The following DIAPH3 variants were observed in gnomAD, a reference collection of about 807,000 sequenced individuals.
DIAPH3 encodes protein diaphanous homolog 3.
DIAPH3 carries 117 observed loss-of-function variants against 144.3 expected under a neutral mutation model. That is an observed-to-expected ratio of 0.81 (90% CI 0.70 to 0.95). The LOEUF (loss-of-function observed/expected upper bound fraction) is 0.95, where lower values mean the gene tolerates loss of function less well. Among genes scored for constraint, DIAPH3 ranks in the 40% least tolerant of loss-of-function variants. The pLI, the probability that DIAPH3 is intolerant of heterozygous loss-of-function variation, is 0.00. For synonymous variants in DIAPH3, 519 were observed against 488.9 expected, an observed-to-expected ratio of 1.06 and a Z score of -0.81; for missense variants, 1,421 against 1,412.7, an observed-to-expected ratio of 1.01 and a Z score of -0.09.
At chr13:60,163,442 A>G in intron 1 of DIAPH3, 145 bp downstream of exon 1, 1 of 1,153,830 alleles carries the variant, frequency 8.7e-7, no homozygotes, top group Admixed American at 2.7e-5. Flanking sequence ...CTACAACTAG[A>G]CCCGGTCGTT....
intron 25 of DIAPH3, among the ~76,000 whole-genome samples, chr13:59,785,323 A>G (rs973413565): frequency 6.6e-6 from 1 of 152,234 alleles, no homozygotes; most frequent in Non-Finnish European, 1.5e-5. Flanking sequence ...AGAAAAAATT[A>G]GAATATTTTA....
At chr13:59,929,673 C>T (rs1379024045) in intron 17 of DIAPH3, among the ~76,000 whole-genome samples, 2 of 150,254 alleles carry the variant, frequency 1.3e-5, no homozygotes, top group Non-Finnish European at 3.0e-5. Context: ...AGCAATTCTC[C>T]TGCCTCGGCC....
chr13:59,741,433 GAAGACAA>G (rs1297193673), intron 27 of DIAPH3, among the ~76,000 whole-genome samples: 1 of 152,064 alleles, frequency 6.6e-6, no homozygotes, highest in East Asian at 1.9e-4. Context: ...GACAAAAACA[GAAGACAA>G]AACTGTAAGT....
chr13:60,136,805 T>A (rs2138268834), intron 1 of DIAPH3, among the ~76,000 whole-genome samples: 1 of 151,700 alleles, frequency 6.6e-6, no homozygotes, highest in Non-Finnish European at 1.5e-5. Context: ...CCGGGCGTGG[T>A]GGCGGGTGCC....
At chr13:59,991,944 T>C in intron 11 of DIAPH3, 124 bp downstream of exon 11, 1 of 766,974 alleles carries the variant, frequency 1.3e-6, no homozygotes, top group East Asian at 2.6e-5. Flanking sequence ...AACATTCTTC[T>C]GATGCATGAA....
chr13:59,692,731 GA>G (rs1419343037), intron 27 of DIAPH3, among the ~76,000 whole-genome samples: 1 of 152,094 alleles, frequency 6.6e-6, no homozygotes, highest in African/African-American at 2.4e-5. Context: ...TTAGGCCTCT[GA>G]AAATTCAGCC....
At chr13:59,773,230 T>A (rs1330576200) in intron 27 of DIAPH3, among the ~76,000 whole-genome samples, 1 of 152,172 alleles carries the variant, frequency 6.6e-6, no homozygotes, top group African/African-American at 2.4e-5. Context: ...GCACCTACTA[T>A]ATATACTTTA....
At chr13:59,840,582 T>C (rs971107635) in intron 22 of DIAPH3, among the ~76,000 whole-genome samples, 1 of 152,060 alleles carries the variant, frequency 6.6e-6, no homozygotes, top group African/African-American at 2.4e-5. Flanking sequence ...GTACAGAAAA[T>C]AACATTTGGT....
intron 25 of DIAPH3, among the ~76,000 whole-genome samples, chr13:59,775,076 A>G (rs1275937164): frequency 3.9e-5 from 6 of 152,180 alleles, no homozygotes; most frequent in Admixed American, 3.9e-4. Context: ...ACTTCAGAGC[A>G]CTGCTTTTAT....
At chr13:59,857,420 A>G (rs770381844) in intron 22 of DIAPH3, among the ~76,000 whole-genome samples, 1 of 152,184 alleles carries the variant, frequency 6.6e-6, no homozygotes, top group Non-Finnish European at 1.5e-5. Context: ...AGCTAAAAAC[A>G]TATAAACAGA....
chr13:59,908,393 A>G (rs9563774), intron 20 of DIAPH3, among the ~76,000 whole-genome samples: 2,740 of 110,782 alleles, frequency 0.025, 23 homozygotes, highest in East Asian at 0.043. Flanking sequence ...AAAAAAAAAA[A>G]AGTAAGACAT....
At chr13:59,835,344 C>T (rs757265477) in intron 23 of DIAPH3, among the ~76,000 whole-genome samples, 2 of 151,344 alleles carry the variant, frequency 1.3e-5, no homozygotes, top group Non-Finnish European at 3.0e-5. Flanking sequence ...AGATTTTTAA[C>T]ATAGTAATAA....
intron 4 of DIAPH3, among the ~76,000 whole-genome samples, chr13:60,091,198 A>C (rs1242409300): frequency 6.6e-6 from 1 of 152,120 alleles, no homozygotes. Context: ...ATCTACACTC[A>C]CCAGTCTGTT....
At chr13:60,097,410 C>CTTCT in intron 3 of DIAPH3, among the ~76,000 whole-genome samples, 1 of 152,196 alleles carries the variant, frequency 6.6e-6, no homozygotes, top group Non-Finnish European at 1.5e-5. Context: ...TCCCCACCAC[C>CTTCT]TTCTCCCTTG....
Position 59,861,519 on chromosome 13 carries a change from T to C in DIAPH3, c.2625A>G (p.Ser875=), listed in dbSNP as rs79863743. The change falls in exon 22 of 28, where the codon TCA becomes TCG. Residue 875 remains serine (S), a synonymous_variant. Transcript: ENST00000400324. ...SSLCKLKDTK[S]ADQKTTLLHF... ...GAAGTAGCGTTGTTTTCTGATCTGC[T>C]GATTTTGTGTCCTTTAGCTAAATAG... 10 of 1,613,780 alleles carry C rather than the reference T, an allele frequency of 6.2e-6. No individual in the cohort carries two copies. In the East Asian group the frequency reaches 2.0e-4, roughly 32 times the overall value.
chr13:59,732,391 G>A (rs915204275), intron 27 of DIAPH3, among the ~76,000 whole-genome samples: 3 of 149,526 alleles, frequency 2.0e-5, no homozygotes, highest in Admixed American at 1.3e-4. Context: ...TAATTGTTTT[G>A]TCCTATTTAT....
chr13:59,680,565 CT>C (rs74919349), intron 27 of DIAPH3, among the ~76,000 whole-genome samples: 8,861 of 141,670 alleles, frequency 0.063, 548 homozygotes, highest in African/African-American at 0.16. Flanking sequence ...TTTCCTTAGT[CT>C]TTTTTTTTTT....
chr13:59,898,164 A>T (rs544080216), intron 20 of DIAPH3, among the ~76,000 whole-genome samples: 1 of 147,614 alleles, frequency 6.8e-6, no homozygotes. Flanking sequence ...AAAGAAAAAG[A>T]AAAAAGAAAA....
At chr13:59,797,792 C>G (rs1052193008) in intron 25 of DIAPH3, among the ~76,000 whole-genome samples, 4 of 152,068 alleles carry the variant, frequency 2.6e-5, no homozygotes, top group Admixed American at 2.6e-4. Context: ...AGGGCCACCT[C>G]CAGCTTATCC....
Sources: allele counts gnomAD v4.1 joint callset (sites outside exome capture counted in the v4.1 genomes callset), GRCh38; gene constraint gnomAD v4.1.1; transcripts MANE v1.5; gene names NCBI Gene and HGNC (gene_info 2026-07-23, HGNC 2026-07-21).